Variants in SPATA31H1 observed in about 807,000 individuals in gnomAD.
The protein encoded by SPATA31H1 is SPATA31 subfamily H member 1.
At chr2:27,580,868 G>C in the SPATA31H1 span, 1 of 1,614,110 alleles carries the variant, frequency 6.2e-7, no homozygotes, top group Non-Finnish European at 8.5e-7. Flanking sequence ...GGGGAGGAAC[G>C]GTCCAGTGCA....
At chr2:27,552,871 A>G in the SPATA31H1 span, among the ~76,000 whole-genome samples, 2 of 152,018 alleles carry the variant, frequency 1.3e-5, no homozygotes, top group Non-Finnish European at 2.9e-5. Context: ...TATTAGCTCT[A>G]ATAGGTTTCT....
At chr2:27,571,336 T>A in the SPATA31H1 span, 4 of 398,218 alleles carry the variant, frequency 1.0e-5, no homozygotes, top group African/African-American at 8.2e-5. Context: ...CTGGAAAGCA[T>A]AAAATCTATG....
At chr2:27,539,066 T>C in the SPATA31H1 span, among the ~76,000 whole-genome samples, 4 of 150,952 alleles carry the variant, frequency 2.6e-5, no homozygotes, top group African/African-American at 9.7e-5. Flanking sequence ...TTTTTCCTGA[T>C]GCAAAGAGTT....
the SPATA31H1 span, among the ~76,000 whole-genome samples, chr2:27,542,720 T>C: frequency 0.28 from 42,377 of 151,730 alleles, 6,545 homozygotes; most frequent in East Asian, 0.49. Flanking sequence ...AAACTTCATC[T>C]CTTGAACTAT....
At chr2:27,544,449 G>A in the SPATA31H1 span, among the ~76,000 whole-genome samples, 1 of 151,276 alleles carries the variant, frequency 6.6e-6, no homozygotes, top group Non-Finnish European at 1.5e-5. Flanking sequence ...GCAAAAAGTA[G>A]AATCATACAG....
the SPATA31H1 span, among the ~76,000 whole-genome samples, chr2:27,559,987 C>G: frequency 1.3e-5 from 2 of 152,048 alleles, no homozygotes; most frequent in Non-Finnish European, 1.5e-5. Flanking sequence ...CCTGCCTCAG[C>G]CTCCTGAGTG....
At chr2:27,543,361 ACAT>A in the SPATA31H1 span, among the ~76,000 whole-genome samples, 2 of 152,080 alleles carry the variant, frequency 1.3e-5, no homozygotes, top group South Asian at 2.1e-4. Flanking sequence ...AGTTATTTTA[ACAT>A]CATGTTTAAG....
the SPATA31H1 span, chr2:27,568,062 A>C: frequency 2.5e-6 from 1 of 399,046 alleles, no homozygotes; most frequent in Non-Finnish European, 4.4e-6. Context: ...GAGGGTGGCC[A>C]CAAGATTACT....
chr2:27,578,756 C>T, the SPATA31H1 span: 3 of 1,614,128 alleles, frequency 1.9e-6, no homozygotes, highest in South Asian at 3.3e-5. Context: ...GGACTGACTT[C>T]TCTAGGTTCC....
At chr2:27,582,594 C>A in the SPATA31H1 span, 4 of 1,464,516 alleles carry the variant, frequency 2.7e-6, no homozygotes, top group Non-Finnish European at 3.7e-6. Flanking sequence ...AGGCTTCTTT[C>A]CTGCTCAGCC....
chr2:27,539,058 T>C, the SPATA31H1 span, among the ~76,000 whole-genome samples: 2 of 151,820 alleles, frequency 1.3e-5, no homozygotes, highest in Non-Finnish European at 2.9e-5. Context: ...TGAGTCTATT[T>C]TTCCTGATGC....
the SPATA31H1 span, among the ~76,000 whole-genome samples, chr2:27,558,839 G>C: frequency 8.7e-6 from 1 of 115,096 alleles, no homozygotes. Flanking sequence ...GCAGTGAGCC[G>C]AGATGGCAGC....
At chr2:27,544,895 AT>A in the SPATA31H1 span, among the ~76,000 whole-genome samples, 1 of 151,950 alleles carries the variant, frequency 6.6e-6, no homozygotes, top group Non-Finnish European at 1.5e-5. Context: ...ATGCTTGTTA[AT>A]TTGGGGACCC....
the SPATA31H1 span, chr2:27,582,610 C>T: frequency 5.1e-6 from 7 of 1,372,126 alleles, no homozygotes; most frequent in South Asian, 8.5e-5. Flanking sequence ...CAGCCACTGC[C>T]TCCAATTCCT....
the SPATA31H1 span, among the ~76,000 whole-genome samples, chr2:27,546,282 A>G: frequency 2.6e-5 from 4 of 152,114 alleles, no homozygotes; most frequent in East Asian, 5.8e-4. Context: ...CCACTAGGCC[A>G]TGAAGATACC....
the SPATA31H1 span, among the ~76,000 whole-genome samples, chr2:27,546,135 A>G: frequency 6.6e-6 from 1 of 151,940 alleles, no homozygotes; most frequent in Admixed American, 6.6e-5. Flanking sequence ...CCACTCTGTG[A>G]CTCACTTTTT....
At chr2:27,570,327 C>A in the SPATA31H1 span, 1 of 398,764 alleles carries the variant, frequency 2.5e-6, no homozygotes, top group African/African-American at 2.1e-5. Flanking sequence ...GACCTCAGAA[C>A]TACCATTTCA....
chr2:27,548,970 A>T, the SPATA31H1 span, among the ~76,000 whole-genome samples: 1 of 147,738 alleles, frequency 6.8e-6, no homozygotes, highest in Non-Finnish European at 1.5e-5. Context: ...GCTACTGGGG[A>T]GGCTGAGGCA....
the SPATA31H1 span, among the ~76,000 whole-genome samples, chr2:27,541,778 T>C: frequency 6.6e-6 from 1 of 151,920 alleles, no homozygotes. Context: ...TATGTGACCA[T>C]TTAAATTTTT....
Sources: allele counts gnomAD v4.1 joint callset (sites outside exome capture counted in the v4.1 genomes callset), GRCh38; gene constraint gnomAD v4.1.1; transcripts MANE v1.5; gene names NCBI Gene and HGNC (gene_info 2026-07-23, HGNC 2026-07-21).